The following STXBP5L variants were observed in gnomAD, a reference collection of about 807,000 sequenced individuals.
The protein encoded by STXBP5L is syntaxin binding protein 5L, also known as syntaxin-binding protein 5-like.
In STXBP5L, 65 loss-of-function variants were observed where a neutral mutation model predicts 144.5. The observed-to-expected ratio is 0.45, with a 90% CI of 0.37 to 0.55. The LOEUF is 0.55. Ranked by LOEUF, STXBP5L falls within the 20% of genes least tolerant of loss-of-function variation. The probability of loss-of-function intolerance (pLI) is 0.00; values close to 1 mark genes in which losing one functional copy is unlikely to be tolerated. For missense variants in STXBP5L, 1,298 were observed against 1,405.5 expected (o/e 0.92, Z 1.22); for synonymous variants, 505 against 469.6 (o/e 1.08, Z -0.97).
intron 24 of STXBP5L, among the ~76,000 whole-genome samples, chr3:121,415,039 GAAGA>G (rs1323497368): frequency 6.6e-6 from 1 of 152,154 alleles, no homozygotes; most frequent in Non-Finnish European, 1.5e-5. Context: ...GCTTCAGGAG[GAAGA>G]GCACAGGTCT....
rs2045280385 is a variant in STXBP5L at position 121,351,480 on chromosome 3, G to T, written c.2177-27236G>T. Among the ~76,000 whole-genome samples the T allele has an allele frequency of 2.0e-5, 3 of 151,860 alleles. No individual in the cohort carries two copies. The South Asian group carries it at 6.2e-4, about 31-fold the overall frequency. The stretch of plus-strand genomic sequence containing the variant: ...GTGCTGGGAGAACGACTACTCTCCA[G>T]AAGTCTTCTTTTGAGAAGTGTCTGT... On this transcript the variant is annotated intron_variant, in intron 20 of 26. Transcript: ENST00000471454.
Position 121,419,241 on chromosome 3 carries a change from TG to T in STXBP5L, c.*145del. The T allele has an allele frequency of 1.2e-6, 1 of 828,950 alleles. No homozygotes were observed. The highest frequency in any genetic ancestry group is 1.8e-6 in the Non-Finnish European group (1 of 548,258). 51.3% of individuals were successfully genotyped at this position (828,950 alleles called of 1,614,324 possible). ...CAATCTGAAATTTTCATAAAAGAGA[TG>T]TATCAGAGACACTGTGCAACCCAAA... On this transcript the variant is annotated 3_prime_UTR_variant, in exon 27 of 27. Transcript: ENST00000471454.
rs182083272 is a variant in STXBP5L, at chr3:121,302,158, T to A, written c.2111-16317T>A. On this transcript the variant is annotated intron_variant, in intron 19 of 26. Coordinates refer to ENST00000471454, the MANE Select transcript of STXBP5L (RefSeq NM_001308330.2). The stretch of plus-strand genomic sequence containing the variant: ...CCTTGTACCTCTGGTAGAATTCGGC[T>A]GTGAATACATCTGGTCCTGGACTTT... 4.4e-3 allele frequency among the ~76,000 whole-genome samples: 673 copies of A among 152,338 alleles called. 2 individuals are homozygous for A. Among genetic ancestry groups the A allele is most frequent in the Non-Finnish European group, 8.3e-3 (562 of 68,022 alleles).
intron 3 of STXBP5L, among the ~76,000 whole-genome samples, chr3:121,016,116 A>G (rs1354696138): frequency 6.6e-6 from 1 of 152,206 alleles, no homozygotes. Context: ...GTGCACTTAC[A>G]CAGATTAACG....
chr3:121,423,567 T>A lies in STXBP5L; in HGVS notation c.*4470T>A, dbSNP rs1376948660. The A allele has an allele frequency of 6.6e-6, 1 of 152,158 alleles. No individual in the cohort carries two copies. The highest frequency in any genetic ancestry group is 1.5e-5 in the Non-Finnish European group (1 of 68,030). The allele number at this position is 152,158 out of a possible 1,614,324, so 9.4% of individuals were successfully genotyped here. On this transcript the variant is annotated 3_prime_UTR_variant, in exon 27 of 27. Coordinates refer to ENST00000471454, the MANE Select transcript of STXBP5L (RefSeq NM_001308330.2). Reference sequence around the variant, plus strand: ...ATGGATGCTTTGATTTACACATTTATCTAGAGGAGTGATTCTCAACCTTGA... The same window carrying A: ...ATGGATGCTTTGATTTACACATTTAACTAGAGGAGTGATTCTCAACCTTGA...
chr3:121,306,432 C>G (rs2043339574), intron 19 of STXBP5L, among the ~76,000 whole-genome samples: 1 of 152,100 alleles, frequency 6.6e-6, no homozygotes, highest in African/African-American at 2.4e-5. Context: ...TTGCCCTTAC[C>G]CCATCTTGCT....
intron 3 of STXBP5L, among the ~76,000 whole-genome samples, chr3:120,983,668 G>A (rs1576571023): frequency 6.6e-6 from 1 of 152,036 alleles, no homozygotes; most frequent in Admixed American, 6.5e-5. Flanking sequence ...AGATAGAATT[G>A]AAAAAATCTA....
chr3:121,282,665 C>T (rs1356937051), intron 19 of STXBP5L, among the ~76,000 whole-genome samples: 2 of 151,898 alleles, frequency 1.3e-5, no homozygotes, highest in African/African-American at 4.8e-5. Flanking sequence ...AAACTTATTA[C>T]TGACATGCCA....
intron 18 of STXBP5L, among the ~76,000 whole-genome samples, chr3:121,271,893 T>G (rs143293215): frequency 3.7e-4 from 56 of 152,206 alleles, no homozygotes; most frequent in Admixed American, 7.2e-4. Context: ...TGGTGGAAGG[T>G]GAAGGGGAAG....
intron 3 of STXBP5L, among the ~76,000 whole-genome samples, chr3:120,991,349 G>A (rs1356198557): frequency 6.6e-6 from 1 of 151,688 alleles, no homozygotes; most frequent in Non-Finnish European, 1.5e-5. Context: ...TGGAGAGGAT[G>A]TGGAGAAATA....
chr3:121,059,728 TTAG>T (rs2041166473), intron 5 of STXBP5L, among the ~76,000 whole-genome samples: 1 of 152,174 alleles, frequency 6.6e-6, no homozygotes, highest in Non-Finnish European at 1.5e-5. Context: ...TTTTATTCTG[TTAG>T]TAGCAATGGT....
At chr3:121,409,819 C>A (rs1289040037) in intron 23 of STXBP5L, among the ~76,000 whole-genome samples, 1 of 151,804 alleles carries the variant, frequency 6.6e-6, no homozygotes, top group Admixed American at 6.6e-5. Context: ...CCTAGAGAGC[C>A]TAAAATATTT....
chr3:121,020,968 T>C (rs185585489), intron 3 of STXBP5L, among the ~76,000 whole-genome samples: 312 of 152,046 alleles, frequency 2.1e-3, no homozygotes, highest in Non-Finnish European at 3.0e-3. Flanking sequence ...TTGAAAGATA[T>C]AGAGTGGCAA....
At chr3:121,297,435 C>A (rs2051700621) in intron 19 of STXBP5L, among the ~76,000 whole-genome samples, 2 of 152,034 alleles carry the variant, frequency 1.3e-5, no homozygotes, top group Non-Finnish European at 2.9e-5. Context: ...AAGCCAAGAA[C>A]TTTAAAAGAA....
intron 7 of STXBP5L, among the ~76,000 whole-genome samples, chr3:121,134,985 T>A (rs576054327): frequency 5.5e-4 from 83 of 149,580 alleles, no homozygotes; most frequent in African/African-American, 1.9e-3. Flanking sequence ...CGCCACACTG[T>A]CTTCCACAAT....
chr3:121,003,539 A>C (rs1943973914), intron 3 of STXBP5L, among the ~76,000 whole-genome samples: 1 of 152,166 alleles, frequency 6.6e-6, no homozygotes, highest in African/African-American at 2.4e-5. Flanking sequence ...TTTGCTGTGC[A>C]GAAGCTCTTT....
chr3:121,325,134 G>T (rs2044102676), intron 20 of STXBP5L, among the ~76,000 whole-genome samples: 1 of 151,688 alleles, frequency 6.6e-6, no homozygotes, highest in Non-Finnish European at 1.5e-5. Context: ...AGCTCATAGT[G>T]TTAAAAAGAA....
chr3:121,176,954 T>C (rs1372240391), intron 9 of STXBP5L, among the ~76,000 whole-genome samples: 1 of 151,908 alleles, frequency 6.6e-6, no homozygotes, highest in Non-Finnish European at 1.5e-5. Context: ...TTTTTGTAAA[T>C]AAAAACTCTG....
intron 5 of STXBP5L, among the ~76,000 whole-genome samples, chr3:121,100,263 A>G (rs1441684784): frequency 6.6e-6 from 1 of 152,182 alleles, no homozygotes; most frequent in East Asian, 1.9e-4. Context: ...ATATATGTCT[A>G]CATAATACTC....
Sources: allele counts gnomAD v4.1 joint callset (sites outside exome capture counted in the v4.1 genomes callset), GRCh38; gene constraint gnomAD v4.1.1; transcripts MANE v1.5; gene names NCBI Gene and HGNC (gene_info 2026-07-23, HGNC 2026-07-21).